Variants in PRRG2 observed in about 807,000 individuals in gnomAD.
PRRG2 encodes transmembrane gamma-carboxyglutamic acid protein 2.
Under a neutral mutation model 27.1 loss-of-function variants are expected in PRRG2, and 23 were observed. That is an observed-to-expected ratio of 0.85 (90% CI 0.61 to 1.20). The LOEUF (loss-of-function observed/expected upper bound fraction) is 1.20. PRRG2 is among the 50% of genes most tolerant of loss of function. The pLI, the probability that PRRG2 is intolerant of heterozygous loss-of-function variation, is 0.00. For missense variants in PRRG2, 276 were observed against 254.8 expected (o/e 1.08, Z -0.57); for synonymous variants, 104 against 103.4 (o/e 1.01, Z -0.03).
intron 4 of PRRG2, 36 bp downstream of exon 4, chr19:49,583,988 G>A: frequency 6.3e-7 from 1 of 1,592,120 alleles, no homozygotes; most frequent in Non-Finnish European, 8.6e-7. Flanking sequence ...GTTCTGTGCA[G>A]CTAAGGTAGT....
Position 49,590,530 on chromosome 19 carries a change from C to A in PRRG2, c.*141C>A. ...TAGGGGTCATCCGGCCCGAGGCCTG[C>A]CCTGGCACACGCGTTTCCGCCGCGT... On this transcript the variant is annotated 3_prime_UTR_variant, in exon 7 of 7. Transcript: ENST00000246794. 1.7e-6 allele frequency: 2 copies of A among 1,181,750 alleles called. No homozygotes were observed. The highest frequency in any genetic ancestry group is 2.3e-5 in the East Asian group (1 of 42,726). The allele number at this position is 1,181,750 out of a possible 1,614,324, so 73.2% of individuals were successfully genotyped here.
At chr19:49,586,866 C>A (rs1201424083) in intron 4 of PRRG2, among the ~76,000 whole-genome samples, 1 of 151,814 alleles carries the variant, frequency 6.6e-6, no homozygotes, top group Non-Finnish European at 1.5e-5. Flanking sequence ...AAACAAAAAA[C>A]CAACATTTTT....
chr19:49,588,676 G>A, intron 5 of PRRG2, 44 bp downstream of exon 5: 1 of 1,502,910 alleles, frequency 6.7e-7, no homozygotes, highest in Non-Finnish European at 8.8e-7. Flanking sequence ...GGAGAGCAGG[G>A]GAGGGAGGAA....
Position 49,583,251 on chromosome 19 carries a change from A to G in PRRG2, c.32A>G (p.Tyr11Cys). MRGHPSLLLL[Y>C]MALTTCLDTS... ...GGCCACCCCTCTCTGCTGCTGCTATATATGGCATTAACCACCTGCCTGGAT... is the reference window on the plus strand; with the variant it reads ...GGCCACCCCTCTCTGCTGCTGCTATGTATGGCATTAACCACCTGCCTGGAT... Residue 11 changes from tyrosine to cysteine, a missense_variant, in exon 2 of 7, where the codon TAT (tyrosine) becomes TGT (cysteine). Coordinates refer to ENST00000246794, the MANE Select transcript of PRRG2 (RefSeq NM_000951.3). The G allele has an allele frequency of 6.2e-7, 1 of 1,614,184 alleles. No homozygotes were observed.
intron 4 of PRRG2, among the ~76,000 whole-genome samples, chr19:49,586,933 T>C (rs918559704): frequency 3.3e-5 from 5 of 151,980 alleles, no homozygotes; most frequent in African/African-American, 1.2e-4. Context: ...GAGGTAGAGA[T>C]TGGTGGATTG....
At chr19:49,587,355 G>A (rs2080678738) in intron 4 of PRRG2, among the ~76,000 whole-genome samples, 1 of 143,764 alleles carries the variant, frequency 7.0e-6, no homozygotes, top group Admixed American at 7.1e-5. Flanking sequence ...GAGGGCGACA[G>A]AGTCTCTCTC....
intron 4 of PRRG2, among the ~76,000 whole-genome samples, chr19:49,587,941 GTTTTTGTTTGTTT>G (rs2080684250): frequency 7.5e-6 from 1 of 133,202 alleles, no homozygotes; most frequent in African/African-American, 3.5e-5. Context: ...TGTTTTTTTG[GTTTTTGTTTGTTT>G]GTTTGTTTTG....
Position 49,583,730 on chromosome 19 carries a change from A to G in PRRG2, c.261+13A>G. 1 of 1,612,962 alleles carries G rather than the reference A, an allele frequency of 6.2e-7. No homozygotes were observed. The highest frequency in any genetic ancestry group is 8.5e-7 in the Non-Finnish European group (1 of 1,179,238). On this transcript the variant is annotated intron_variant, in intron 3 of 6. Transcript: ENST00000246794. ...CAACACTCTCACGGTGAGGGCCTCG[A>G]GACCCTGGAGTTTCGGGCCCTCTCT...
At chr19:49,584,417 G>A (rs928919755) in intron 4 of PRRG2, among the ~76,000 whole-genome samples, 12 of 150,504 alleles carry the variant, frequency 8.0e-5, no homozygotes, top group Admixed American at 4.0e-4. Context: ...TGATCTGCCC[G>A]CCTCGGCCTC....
At chr19:49,582,408 G>A (rs920130047) in intron 1 of PRRG2, among the ~76,000 whole-genome samples, 2 of 151,770 alleles carry the variant, frequency 1.3e-5, no homozygotes, top group East Asian at 2.0e-4. Context: ...CCAAGTAGTT[G>A]GGATTACAGG....
chr19:49,587,072 G>A (rs8113199), intron 4 of PRRG2, among the ~76,000 whole-genome samples: 4,426 of 151,682 alleles, frequency 0.029, 172 homozygotes, highest in African/African-American at 0.093. Context: ...TGGGAGGATC[G>A]CCTGAACCCT....
In PRRG2 at chr19:49,590,743, C is replaced by G. The variant is rs1191587033; in HGVS notation, c.*354C>G. 1 of 351,206 alleles carries G rather than the reference C, an allele frequency of 2.8e-6. No homozygotes were observed. The highest frequency in any genetic ancestry group is 5.3e-6 in the Non-Finnish European group (1 of 186,918). 21.8% of individuals were successfully genotyped at this position (351,206 alleles called of 1,614,324 possible). On this transcript the variant is annotated 3_prime_UTR_variant, in exon 7 of 7. Coordinates refer to ENST00000246794, the MANE Select transcript of PRRG2 (RefSeq NM_000951.3). ...TGTATGGGCAGATATGACCTGACAG[C>G]CCCCTCCAGTGCCACAGGGTACGCA...
At chr19:49,590,178 G>GGGGC in intron 6 of PRRG2, 126 bp downstream of exon 6, 2 of 1,396,434 alleles carry the variant, frequency 1.4e-6, no homozygotes, top group Non-Finnish European at 1.9e-6. Context: ...TTGGAGTGCG[G>GGGGC]GGGCGGGGCC....
chr19:49,585,473 G>A (rs963148376), intron 4 of PRRG2, among the ~76,000 whole-genome samples: 35 of 152,308 alleles, frequency 2.3e-4, no homozygotes, highest in Admixed American at 2.2e-3. Context: ...AGCTGCACTT[G>A]CGCCTTTTGC....
chr19:49,582,795 G>C (rs868512247), intron 1 of PRRG2, among the ~76,000 whole-genome samples: 10 of 152,230 alleles, frequency 6.6e-5, no homozygotes, highest in Middle Eastern at 6.8e-3. Flanking sequence ...ATGAACCTGG[G>C]GGGTGGAGTG....
chr19:49,583,707 A>G lies in PRRG2; in HGVS notation c.251A>G (p.Asn84Ser), dbSNP rs199614334. The part of the protein sequence containing the change: ...WEEAREYFED[N>S]TLTERFWESY... ...GAGGCCAGGGAGTATTTTGAGGACA[A>G]CACTCTCACGGTGAGGGCCTCGAGA... The change falls in exon 3 of 7, where the codon AAC becomes AGC. Residue 84 changes from asparagine (N) to serine (S), a missense_variant. By Grantham distance (46) the Asn-to-Ser change is conservative. Coordinates refer to ENST00000246794, the MANE Select transcript of PRRG2 (RefSeq NM_000951.3). 5.0e-6 allele frequency: 8 copies of G among 1,613,952 alleles called. No homozygotes were observed. Among genetic ancestry groups the G allele is most frequent in the Non-Finnish European group, 5.9e-6 (7 of 1,179,946 alleles).
chr19:49,584,960 C>A (rs1192683455), intron 4 of PRRG2, among the ~76,000 whole-genome samples: 2 of 152,190 alleles, frequency 1.3e-5, no homozygotes, highest in Non-Finnish European at 2.9e-5. Flanking sequence ...GCAACACGAC[C>A]AAGGGAGGAA....
At chr19:49,584,090 G>A (rs2080650362) in intron 4 of PRRG2, 138 bp downstream of exon 4, 8 of 860,144 alleles carry the variant, frequency 9.3e-6, no homozygotes, top group Non-Finnish European at 5.2e-6. Context: ...GAAGCTGGCT[G>A]CTAAAGGAGT....
intron 1 of PRRG2, among the ~76,000 whole-genome samples, chr19:49,582,730 T>C (rs2122230125): frequency 1.3e-5 from 2 of 152,034 alleles, no homozygotes. Context: ...TAGCCGGGCA[T>C]GGTGGCCGGC....
Sources: allele counts gnomAD v4.1 joint callset (sites outside exome capture counted in the v4.1 genomes callset), GRCh38; gene constraint gnomAD v4.1.1; transcripts MANE v1.5; gene names NCBI Gene and HGNC (gene_info 2026-07-23, HGNC 2026-07-21).